Variants in LRCH1 observed in about 807,000 individuals in gnomAD.
The protein encoded by LRCH1 is leucine rich repeats and calponin homology domain containing 1, also known as leucine-rich repeat and calponin homology domain-containing protein 1.
In LRCH1, 23 loss-of-function variants were observed where a neutral mutation model predicts 94.9. That is an observed-to-expected ratio of 0.24 (90% CI 0.17 to 0.34). The LOEUF (loss-of-function observed/expected upper bound fraction) is 0.34, where lower values mean the gene tolerates loss of function less well. Among genes scored for constraint, LRCH1 ranks in the 10% least tolerant of loss-of-function variants. The pLI is 1.00. For synonymous variants in LRCH1, 364 were observed against 354.9 expected (o/e 1.03, Z -0.29); for missense variants, 790 against 945.9 (o/e 0.84, Z 2.16).
intron 1 of LRCH1, among the ~76,000 whole-genome samples, chr13:46,595,983 T>C (rs1570621): frequency 0.9 from 136,959 of 152,194 alleles, 61,910 homozygotes; most frequent in East Asian, 0.98. Flanking sequence ...TTAATGAAGG[T>C]GTAAAAGTGT....
At chr13:46,681,907 G>A in intron 4 of LRCH1, 61 bp downstream of exon 4, 2 of 1,084,038 alleles carry the variant, frequency 1.8e-6, no homozygotes, top group Non-Finnish European at 2.8e-6. Context: ...ATGTTTTGGG[G>A]GGTTTACTTT....
chr13:46,601,294 C>A (rs564814814), intron 1 of LRCH1, among the ~76,000 whole-genome samples: 2 of 152,306 alleles, frequency 1.3e-5, no homozygotes, highest in South Asian at 4.1e-4. Context: ...AACAGCAAAG[C>A]ATGTATAGAA....
At chr13:46,631,788 C>T (rs2051020478) in intron 1 of LRCH1, among the ~76,000 whole-genome samples, 2 of 152,136 alleles carry the variant, frequency 1.3e-5, no homozygotes, top group Admixed American at 1.3e-4. Flanking sequence ...TGGCACTAAA[C>T]ACAATCACAA....
chr13:46,692,855 A>G (rs4344620), intron 8 of LRCH1, among the ~76,000 whole-genome samples: 114,450 of 152,114 alleles, frequency 0.75, 43,219 homozygotes, highest in East Asian at 0.92. Flanking sequence ...GAAAACCAAG[A>G]CTCAGAGAGT....
At chr13:46,677,918 A>G (rs1208689643) in intron 3 of LRCH1, among the ~76,000 whole-genome samples, 3 of 152,208 alleles carry the variant, frequency 2.0e-5, no homozygotes, top group African/African-American at 4.8e-5. Context: ...TTGTGGTATT[A>G]TAGTACTAAC....
At chr13:46,655,200 C>T (rs1276889614) in intron 2 of LRCH1, among the ~76,000 whole-genome samples, 1 of 152,130 alleles carries the variant, frequency 6.6e-6, no homozygotes, top group African/African-American at 2.4e-5. Context: ...CACTCCCTAA[C>T]CAGCTTCTTG....
intron 3 of LRCH1, among the ~76,000 whole-genome samples, chr13:46,670,785 A>G: frequency 6.6e-6 from 1 of 151,588 alleles, no homozygotes; most frequent in Non-Finnish European, 1.5e-5. Context: ...GGCCCCTTAA[A>G]TAAGCCCATG....
At chr13:46,668,799 G>A (rs1317776703) in intron 2 of LRCH1, among the ~76,000 whole-genome samples, 1 of 150,868 alleles carries the variant, frequency 6.6e-6, no homozygotes, top group Admixed American at 6.7e-5. Context: ...TTTGAGAACT[G>A]CCCATACCCT....
Position 46,742,549 on chromosome 13 carries a change from G to A in LRCH1, c.*701G>A, listed in dbSNP as rs1032808332. 3.7e-5 allele frequency: 36 copies of A among 985,440 alleles called. No individual in the cohort carries two copies. The highest frequency in any genetic ancestry group is 4.7e-5 in the South Asian group (1 of 21,300). 61.0% of individuals were successfully genotyped at this position (985,440 alleles called of 1,614,324 possible). ...AGGGCGCTCAAGGGAAGGAAGTGTC[G>A]TTGCTGTTAGAGCCTCACGTGGAGG... On this transcript the variant is annotated 3_prime_UTR_variant, in exon 20 of 20. Transcript: ENST00000389797.
chr13:46,738,113 T>C (rs1428183238), intron 19 of LRCH1, among the ~76,000 whole-genome samples: 1 of 152,222 alleles, frequency 6.6e-6, no homozygotes, highest in Non-Finnish European at 1.5e-5. Context: ...TCTTCCTTAC[T>C]GTTTCCAGAG....
intron 11 of LRCH1, among the ~76,000 whole-genome samples, chr13:46,704,189 A>G (rs919534431): frequency 2.0e-4 from 31 of 152,068 alleles, no homozygotes; most frequent in African/African-American, 6.3e-4. Flanking sequence ...TTTGTTTTGG[A>G]TATAGAGAGG....
chr13:46,661,086 G>A (rs867602867), intron 2 of LRCH1, among the ~76,000 whole-genome samples: 13 of 151,906 alleles, frequency 8.6e-5, no homozygotes, highest in South Asian at 4.2e-4. Context: ...TCATTGCCTC[G>A]TGCTTGGAAT....
chr13:46,731,716 C>T (rs1024579586), intron 18 of LRCH1, among the ~76,000 whole-genome samples: 4 of 152,150 alleles, frequency 2.6e-5, no homozygotes, highest in African/African-American at 4.8e-5. Flanking sequence ...ACGCTGTAGC[C>T]GTAGAACCTG....
intron 2 of LRCH1, among the ~76,000 whole-genome samples, chr13:46,661,492 A>G (rs549775550): frequency 6.6e-6 from 1 of 152,356 alleles, no homozygotes; most frequent in South Asian, 2.1e-4. Flanking sequence ...CAAAGTGTCA[A>G]AAGAGCTAGT....
chr13:46,622,805 C>T (rs1165251700), intron 1 of LRCH1, among the ~76,000 whole-genome samples: 1 of 152,204 alleles, frequency 6.6e-6, no homozygotes, highest in South Asian at 2.1e-4. Flanking sequence ...TTTCCAGCAA[C>T]AGTTAGGAGC....
At chr13:46,694,798 G>T in intron 8 of LRCH1, 95 bp from the exon 9 acceptor site, 1 of 1,358,906 alleles carries the variant, frequency 7.4e-7, no homozygotes. Context: ...GAACACAGAA[G>T]ACTTGAAGTG....
In LRCH1 at chr13:46,744,289, A is replaced by G; in HGVS notation, c.*2441A>G. 1 of 978,288 alleles carries G rather than the reference A, an allele frequency of 1.0e-6. No homozygotes were observed. Among genetic ancestry groups the G allele is most frequent in the Non-Finnish European group, 1.2e-6 (1 of 829,850 alleles). The allele number at this position is 978,288 out of a possible 1,614,324, so 60.6% of individuals were successfully genotyped here. A position where few individuals can be genotyped will look rare whatever the true frequency, so the allele number is the denominator to read the frequency against. On this transcript the variant is annotated 3_prime_UTR_variant, in exon 20 of 20. Transcript: ENST00000389797. ...CTGACCAAATCTCCTCCTCACAAGA[A>G]AGACCGTTTTTTCAGTACTCCCTTC...
At chr13:46,566,539 A>G (rs1472813182) in intron 1 of LRCH1, among the ~76,000 whole-genome samples, 1 of 152,186 alleles carries the variant, frequency 6.6e-6, no homozygotes, top group Non-Finnish European at 1.5e-5. Context: ...GGTCGGGAGT[A>G]TCATCGTTAC....
chr13:46,597,920 G>T (rs184050015), intron 1 of LRCH1, among the ~76,000 whole-genome samples: 1 of 152,198 alleles, frequency 6.6e-6, no homozygotes, highest in Admixed American at 6.5e-5. Context: ...AGAAGCTAAG[G>T]ATTAGTATTT....
Sources: gnomAD v4.1 joint callset for allele counts (sites outside exome capture counted in the v4.1 genomes callset) on GRCh38, gnomAD v4.1.1 for gene constraint, MANE v1.5 for transcripts, NCBI Gene and HGNC (gene_info 2026-07-23, HGNC 2026-07-21) for gene names.